Variants in CLDN12 observed in about 807,000 individuals in gnomAD.
CLDN12 encodes claudin-12.
CLDN12 carries 9 observed loss-of-function variants against 15.5 expected under a neutral mutation model. The observed-to-expected ratio is 0.58, with a 90% CI of 0.35 to 1.02. CLDN12 has a LOEUF of 1.02. Among genes scored for constraint, CLDN12 ranks in the 50% least tolerant of loss-of-function variants. CLDN12 has a pLI of 0.02. For missense variants in CLDN12, 233 were observed against 297.3 expected, an observed-to-expected ratio of 0.78 and a Z score of 1.59; for synonymous variants, 140 against 121.6, an observed-to-expected ratio of 1.15 and a Z score of -1.00.
chr7:90,415,591 T>C lies in CLDN12; in HGVS notation c.*2180T>C, dbSNP rs931973835. 1.7e-4 allele frequency: 28 copies of C among 167,028 alleles called. No homozygotes were observed. The highest frequency in any genetic ancestry group is 1.1e-3 in the Admixed American group (17 of 15,286). The allele number at this position is 167,028 out of a possible 1,614,324, so 10.3% of individuals were successfully genotyped here. On this transcript the variant is annotated 3_prime_UTR_variant, in exon 4 of 4. Coordinates refer to ENST00000496677, the MANE Select transcript of CLDN12 (RefSeq NM_001185072.3). ...CTGTTTCCTTATTGTCTTTTTTCTT[T>C]AGTGTTTCTGATTTGCTATCAGTAG... is the stretch of plus-strand genomic sequence containing the variant.
intron 1 of CLDN12, 107 bp downstream of exon 1, chr7:90,403,656 G>C (rs997766707): frequency 6.6e-6 from 1 of 152,174 alleles, no homozygotes; most frequent in Non-Finnish European, 1.5e-5. Context: ...GGAAAACGCT[G>C]ACCACATCTG....
chr7:90,406,940 A>G (rs907062699), intron 2 of CLDN12, among the ~76,000 whole-genome samples: 4 of 152,226 alleles, frequency 2.6e-5, no homozygotes, highest in Non-Finnish European at 5.9e-5. Context: ...CATTAAAAAA[A>G]CTATATATTG....
intron 2 of CLDN12, 192 bp from the exon 3 acceptor site, chr7:90,411,815 C>T (rs753554653): frequency 6.6e-6 from 1 of 152,152 alleles, no homozygotes; most frequent in African/African-American, 2.4e-5. Context: ...AACATTCATT[C>T]AATGAATGTT....
At chr7:90,404,970 G>A (rs1377799864) in intron 1 of CLDN12, among the ~76,000 whole-genome samples, 1 of 151,022 alleles carries the variant, frequency 6.6e-6, no homozygotes, top group African/African-American at 2.4e-5. Flanking sequence ...ATGACTCACT[G>A]TGTCCTCAAA....
intron 3 of CLDN12, 88 bp downstream of exon 3, chr7:90,412,137 C>T (rs1796976890): frequency 6.4e-6 from 1 of 155,854 alleles, no homozygotes; most frequent in South Asian, 2.0e-4. Context: ...CTGTCCTGTA[C>T]TGCTTCTTTC....
chr7:90,408,761 A>T (rs1371849942), intron 2 of CLDN12, among the ~76,000 whole-genome samples: 3 of 152,162 alleles, frequency 2.0e-5, no homozygotes, highest in Admixed American at 6.5e-5. Context: ...ATGCTTCATC[A>T]AAGGCAATTT....
chr7:90,404,614 T>G (rs888743865), intron 1 of CLDN12, among the ~76,000 whole-genome samples: 28 of 152,280 alleles, frequency 1.8e-4, no homozygotes, highest in Admixed American at 1.7e-3. Flanking sequence ...TGTCCTTTTT[T>G]AAAAATGTAA....
chr7:90,409,676 C>G (rs1255442132), intron 2 of CLDN12, among the ~76,000 whole-genome samples: 1 of 152,218 alleles, frequency 6.6e-6, no homozygotes, highest in Non-Finnish European at 1.5e-5. Context: ...ATTTCTCAGT[C>G]TTTAACTCCT....
At position 90,413,574 on chromosome 7, in the gene CLDN12, A is replaced by C. The variant is rs1244540414; in HGVS notation, c.*163A>C. On this transcript the variant is annotated 3_prime_UTR_variant, in exon 4 of 4. Transcript: ENST00000496677. ...TGAAGTGCTGCTAGTTTTTATGAGAAGTATATTATATTAAATGTGAATTTT... is the reference window on the plus strand; with the variant it reads ...TGAAGTGCTGCTAGTTTTTATGAGACGTATATTATATTAAATGTGAATTTT... The C allele has an allele frequency of 2.1e-6, 3 of 1,413,536 alleles. No individual in the cohort carries two copies. In the Admixed American group the frequency reaches 9.5e-5, roughly 45 times the overall value. The allele number at this position is 1,413,536 out of a possible 1,614,324, so 87.6% of individuals were successfully genotyped here.
At chr7:90,411,215 CAAAGGTTGATGGAACTGTATTCAG>C (rs1796954942) in intron 2 of CLDN12, among the ~76,000 whole-genome samples, 1 of 152,150 alleles carries the variant, frequency 6.6e-6, no homozygotes, top group African/African-American at 2.4e-5. Flanking sequence ...TTTGATTCTG[CAAAGGTTGATGGAACTGTATTCAG>C]AAATAAAAAT....
chr7:90,404,355 T>C (rs1206630822), intron 1 of CLDN12, among the ~76,000 whole-genome samples: 1 of 152,100 alleles, frequency 6.6e-6, no homozygotes, highest in Non-Finnish European at 1.5e-5. Context: ...ATGATCGTAA[T>C]AGGGCTAGTG....
At chr7:90,406,222 C>T (rs1292529838) in intron 2 of CLDN12, 2 of 152,208 alleles carry the variant, frequency 1.3e-5, no homozygotes, top group Non-Finnish European at 2.9e-5. Context: ...CTTCCTAAAG[C>T]TCTTAGCCAC....
intron 2 of CLDN12, chr7:90,406,013 G>A (rs1796828876): frequency 6.6e-6 from 1 of 152,360 alleles, no homozygotes; most frequent in Non-Finnish European, 1.5e-5. Context: ...TGAGGTGGGA[G>A]GATTGCTTGA....
rs912992887 is a variant in CLDN12, at chr7:90,414,314, T to G, written c.*903T>G. 2.0e-6 allele frequency: 2 copies of G among 1,000,168 alleles called. No homozygotes were observed. 62.0% of individuals were successfully genotyped at this position (1,000,168 alleles called of 1,614,324 possible). ...TGAGTACACTAGAGATTTACTCTGG[T>G]GACTGCCTTTTGAGTTATGGGTGAA... On this transcript the variant is annotated 3_prime_UTR_variant, in exon 4 of 4. Coordinates refer to ENST00000496677, the MANE Select transcript of CLDN12 (RefSeq NM_001185072.3).
chr7:90,413,791 C>A lies in CLDN12; in HGVS notation c.*380C>A. The A allele has an allele frequency of 9.9e-7, 1 of 1,009,480 alleles. No homozygotes were observed. The highest frequency in any genetic ancestry group is 4.6e-5 in the South Asian group (1 of 21,754). The allele number at this position is 1,009,480 out of a possible 1,614,324, so 62.5% of individuals were successfully genotyped here. A position where few individuals can be genotyped will look rare whatever the true frequency, so the allele number is the denominator to read the frequency against. Reference sequence around the variant, plus strand: ...TGTGTATTTTTCTTTTTCTATAATACCTTTAACTGCAAAGAAAAGGCAGTT... The same window carrying A: ...TGTGTATTTTTCTTTTTCTATAATAACTTTAACTGCAAAGAAAAGGCAGTT... On this transcript the variant is annotated 3_prime_UTR_variant, in exon 4 of 4. Transcript: ENST00000496677.
At position 90,413,841 on chromosome 7, in the gene CLDN12, G is replaced by T; in HGVS notation, c.*430G>T. 1 of 1,001,302 alleles carries T rather than the reference G, an allele frequency of 1.0e-6. No homozygotes were observed. 62.0% of individuals were successfully genotyped at this position (1,001,302 alleles called of 1,614,324 possible). Reference sequence around the variant, plus strand: ...TTCAAATATAAGAAATTTATTTCAGGTAAGGGTAATATTTTAATAGTAGTC... The same window carrying T: ...TTCAAATATAAGAAATTTATTTCAGTTAAGGGTAATATTTTAATAGTAGTC... On this transcript the variant is annotated 3_prime_UTR_variant, in exon 4 of 4. Coordinates refer to ENST00000496677, the MANE Select transcript of CLDN12 (RefSeq NM_001185072.3).
At chr7:90,407,969 A>C (rs901875342) in intron 2 of CLDN12, among the ~76,000 whole-genome samples, 3 of 152,158 alleles carry the variant, frequency 2.0e-5, no homozygotes, top group African/African-American at 7.2e-5. Flanking sequence ...GGTGTAAGCT[A>C]TGGGGAGGAG....
In CLDN12 at chr7:90,412,851, G is replaced by A; in HGVS notation, c.175G>A (p.Ala59Thr). 1 of 1,614,216 alleles carries A rather than the reference G, an allele frequency of 6.2e-7. No homozygotes were observed. The highest frequency in any genetic ancestry group is 8.5e-7 in the Non-Finnish European group (1 of 1,180,040). ...TVYTGLWVKCARYDGSSDCLM... is the reference protein window; with the variant it reads ...TVYTGLWVKCTRYDGSSDCLM... ...TTACACAGGCCTGTGGGTGAAATGT[G>A]CCCGGTATGACGGGAGCAGTGACTG... The change falls in exon 4 of 4, where the codon GCC becomes ACC. Residue 59 changes from alanine to threonine, a missense_variant. Coordinates refer to ENST00000496677, the MANE Select transcript of CLDN12 (RefSeq NM_001185072.3).
intron 1 of CLDN12, among the ~76,000 whole-genome samples, chr7:90,405,313 A>G (rs1454615547): frequency 6.6e-6 from 1 of 152,184 alleles, no homozygotes; most frequent in African/African-American, 2.4e-5. Context: ...ATCCCGCCTC[A>G]GCTTCCCAAA....
Sources: allele counts gnomAD v4.1 joint callset (sites outside exome capture counted in the v4.1 genomes callset), GRCh38; gene constraint gnomAD v4.1.1; transcripts MANE v1.5; gene names NCBI Gene and HGNC (gene_info 2026-07-23, HGNC 2026-07-21).